FAM135A: variants seen among roughly 807,000 people sequenced by gnomAD.
FAM135A encodes the protein family with sequence similarity 135 member A, also known as protein FAM135A.
In FAM135A, 79 loss-of-function variants were observed where a neutral mutation model predicts 146.8. The ratio of observed to expected loss-of-function variants is 0.54; its 90% CI spans 0.45 to 0.65. The LOEUF (loss-of-function observed/expected upper bound fraction) is 0.65. Ranked by LOEUF, FAM135A falls within the 30% of genes least tolerant of loss-of-function variation. The pLI is 0.00. For missense variants in FAM135A, 1,623 were observed against 1,758.2 expected (o/e 0.92, Z 1.38); for synonymous variants, 562 against 603.6 (o/e 0.93, Z 1.01).
intron 1 of FAM135A, chr6:70,413,998 A>T: frequency 1.0e-6 from 1 of 985,196 alleles, no homozygotes; most frequent in Non-Finnish European, 1.2e-6. Context: ...TTCTTCCTGA[A>T]CCTCGCGCCT....
chr6:70,487,202 T>C (rs1784864565), intron 10 of FAM135A, among the ~76,000 whole-genome samples: 1 of 152,098 alleles, frequency 6.6e-6, no homozygotes, highest in Admixed American at 6.6e-5. Context: ...TTGCATTTAT[T>C]TTTTGTTATT....
At chr6:70,547,710 A>G (rs1229923426) in intron 20 of FAM135A, among the ~76,000 whole-genome samples, 3 of 152,208 alleles carry the variant, frequency 2.0e-5, no homozygotes, top group Non-Finnish European at 1.5e-5. Context: ...GAGTAGCCAG[A>G]AGAATTGGAA....
At chr6:70,552,794 A>G (rs1800084312) in intron 20 of FAM135A, among the ~76,000 whole-genome samples, 1 of 152,058 alleles carries the variant, frequency 6.6e-6, no homozygotes, top group Admixed American at 6.6e-5. Flanking sequence ...AAAAATAAAA[A>G]AGGGTAGGGA....
At chr6:70,491,953 A>T (rs1274936876) in intron 11 of FAM135A, among the ~76,000 whole-genome samples, 1 of 151,932 alleles carries the variant, frequency 6.6e-6, no homozygotes, top group Non-Finnish European at 1.5e-5. Context: ...TCACTAAAAG[A>T]TATCAAATTT....
rs1405574997 is a variant in FAM135A, at chr6:70,482,030, C to T, written c.699C>T (p.Phe233=). The change falls in exon 10 of 22, where the codon TTC becomes TTT. Residue 233 remains phenylalanine, a synonymous_variant. Transcript: ENST00000418814. The stretch of plus-strand genomic sequence containing the variant: ...GTAGCTTCATCATTGCAGACTCCTT[C>T]CTACATCATGCGTATCGTTTTCATT... The part of the protein sequence containing the change: ...DGCSFIIADS[F]LHHAYRFHYT... 1.2e-6 allele frequency: 2 copies of T among 1,613,504 alleles called. No homozygotes were observed. Among genetic ancestry groups the T allele is most frequent in the South Asian group, 1.1e-5 (1 of 91,028 alleles).
At chr6:70,551,646 T>C (rs962599160) in intron 20 of FAM135A, among the ~76,000 whole-genome samples, 5 of 152,102 alleles carry the variant, frequency 3.3e-5, no homozygotes, top group Admixed American at 2.0e-4. Context: ...ACGTGACTTT[T>C]CCTTTTGCTT....
At chr6:70,458,131 T>C (rs1022606673) in intron 5 of FAM135A, among the ~76,000 whole-genome samples, 2 of 151,956 alleles carry the variant, frequency 1.3e-5, no homozygotes, top group Non-Finnish European at 2.9e-5. Flanking sequence ...AAATATTATC[T>C]GTGTATTTTT....
chr6:70,540,605 G>A (rs1356090457), intron 20 of FAM135A, among the ~76,000 whole-genome samples: 1 of 152,118 alleles, frequency 6.6e-6, no homozygotes, highest in South Asian at 2.1e-4. Context: ...GATTACAGGC[G>A]TGAGCCACCG....
In FAM135A at chr6:70,482,127, A is replaced by G; in HGVS notation, c.796A>G (p.Ile266Val). ...HSYFITVTEE[I>V]PSCQKLELEE... ...CTACTTCATTACAGTAACAGAAGAG[A>G]TTCCTTCTTGTCAGAAACTAGAACT... is the stretch of plus-strand genomic sequence containing the variant. The change falls in exon 10 of 22, where the codon ATT becomes GTT. Residue 266 changes from isoleucine to valine, a missense_variant. Ile to Val is a conservative substitution (Grantham distance 29, BLOSUM62 3). Around this residue, in one of 7 missense-constraint regions of FAM135A, gnomAD observed 206 missense variants for 194.7 expected, o/e 1.06. Coordinates refer to ENST00000418814, the MANE Select transcript of FAM135A (RefSeq NM_001162529.3). 1.2e-6 allele frequency: 2 copies of G among 1,613,540 alleles called. No individual in the cohort carries two copies. Among genetic ancestry groups the G allele is most frequent in the Non-Finnish European group, 1.7e-6 (2 of 1,179,714 alleles).
intron 20 of FAM135A, among the ~76,000 whole-genome samples, chr6:70,550,799 T>G (rs1582905837): frequency 6.6e-6 from 1 of 152,232 alleles, no homozygotes; most frequent in South Asian, 2.1e-4. Context: ...GGATGGCATC[T>G]TCTTTCAATA....
chr6:70,525,956 A>G lies in FAM135A; in HGVS notation c.2872A>G (p.Asn958Asp), dbSNP rs376849246. ...CKGFQSPDKS[N>D]NSTGTAITLN... ...AGGCTTCCAGAGTCCTGATAAATCT[A>G]ATAACTCTACAGGGACAGCAATTAC... Residue 958 changes from asparagine (N) to aspartate (D), a missense_variant, in exon 15 of 22, where the codon AAT (asparagine) becomes GAT (aspartate). Coordinates refer to ENST00000418814, the MANE Select transcript of FAM135A (RefSeq NM_001162529.3). The G allele has an allele frequency of 1.9e-6, 3 of 1,613,354 alleles. No homozygotes were observed. In the African/African-American group the frequency reaches 4.0e-5, roughly 22 times the overall value.
intron 4 of FAM135A, among the ~76,000 whole-genome samples, chr6:70,447,421 G>A (rs1379782957): frequency 6.6e-6 from 1 of 152,166 alleles, no homozygotes; most frequent in Non-Finnish European, 1.5e-5. Context: ...GTATGTATTT[G>A]TACCCCTTTT....
chr6:70,551,365 T>G (rs1279953263), intron 20 of FAM135A, among the ~76,000 whole-genome samples: 2 of 152,100 alleles, frequency 1.3e-5, no homozygotes, highest in Non-Finnish European at 2.9e-5. Flanking sequence ...ATTCCAGAAC[T>G]TTGCAAGGCC....
intron 20 of FAM135A, among the ~76,000 whole-genome samples, chr6:70,553,687 CTT>C (rs201024501): frequency 6.7e-6 from 1 of 149,650 alleles, no homozygotes; most frequent in African/African-American, 2.5e-5. Context: ...ACAATGAAAT[CTT>C]TTTTTTAAAA....
chr6:70,548,400 GTATT>G (rs1799227768), intron 20 of FAM135A, among the ~76,000 whole-genome samples: 1 of 152,168 alleles, frequency 6.6e-6, no homozygotes, highest in South Asian at 2.1e-4. Context: ...ACAACATAGT[GTATT>G]TAATCAGTAT....
intron 4 of FAM135A, among the ~76,000 whole-genome samples, chr6:70,448,976 T>A (rs1243325388): frequency 2.0e-5 from 3 of 152,190 alleles, no homozygotes; most frequent in Non-Finnish European, 4.4e-5. Context: ...ACATGTCACA[T>A]TGCTGCAGAG....
At chr6:70,437,630 G>A (rs1213509879) in intron 4 of FAM135A, among the ~76,000 whole-genome samples, 1 of 152,078 alleles carries the variant, frequency 6.6e-6, no homozygotes, top group Non-Finnish European at 1.5e-5. Context: ...TACAGTCTCA[G>A]AAAATATACT....
chr6:70,425,450 G>C (rs955215363), intron 2 of FAM135A, among the ~76,000 whole-genome samples: 2 of 152,126 alleles, frequency 1.3e-5, no homozygotes, highest in Non-Finnish European at 2.9e-5. Flanking sequence ...ATAGTTACCA[G>C]AAAATCTTTT....
At chr6:70,463,975 T>TTG (rs1174795446) in intron 5 of FAM135A, among the ~76,000 whole-genome samples, 16 of 152,326 alleles carry the variant, frequency 1.1e-4, no homozygotes, top group African/African-American at 3.4e-4. Context: ...GATTATCACA[T>TTG]TGTACTGCAA....
Sources: gnomAD v4.1 joint callset for allele counts (sites outside exome capture counted in the v4.1 genomes callset) on GRCh38, gnomAD v4.1.1 for gene constraint, gnomAD v4.1.1 regional missense constraint, MANE v1.5 for transcripts, NCBI Gene and HGNC (gene_info 2026-07-23, HGNC 2026-07-21) for gene names.